Variants in CDH13 observed in about 807,000 individuals in gnomAD.
The protein encoded by CDH13 is cadherin-13.
In CDH13, 24 loss-of-function variants were observed where a neutral mutation model predicts 63.8. The observed-to-expected ratio is 0.38, with a 90% CI of 0.27 to 0.53. CDH13 has a LOEUF of 0.53. Ranked by LOEUF, CDH13 falls within the 20% of genes least tolerant of loss-of-function variation. The pLI is 0.85. For missense variants in CDH13, 1,049 were observed against 903.1 expected (o/e 1.16, Z -2.07); for synonymous variants, 503 against 355.3 (o/e 1.42, Z -4.67).
chr16:83,759,889 C>G (rs527364305), intron 11 of CDH13, among the ~76,000 whole-genome samples: 10 of 138,192 alleles, frequency 7.2e-5, no homozygotes, highest in African/African-American at 2.5e-4. Context: ...GATCACACCA[C>G]TGCACTCCAG....
At chr16:83,334,495 C>T (rs975643333) in intron 5 of CDH13, among the ~76,000 whole-genome samples, 4 of 151,678 alleles carry the variant, frequency 2.6e-5, no homozygotes, top group African/African-American at 7.3e-5. Flanking sequence ...CCTCACCCTC[C>T]TGAGTAGCTG....
chr16:82,905,441 G>A (rs2041612199), intron 2 of CDH13, among the ~76,000 whole-genome samples: 2 of 139,898 alleles, frequency 1.4e-5, no homozygotes, highest in African/African-American at 6.0e-5. Flanking sequence ...ACGTGTGTGT[G>A]TGTGTGTGTG....
chr16:82,715,585 T>C (rs1282555848), intron 1 of CDH13, among the ~76,000 whole-genome samples: 1 of 152,154 alleles, frequency 6.6e-6, no homozygotes, highest in African/African-American at 2.4e-5. Flanking sequence ...AAATTGTTGA[T>C]AGGGTAGCCA....
intron 5 of CDH13, among the ~76,000 whole-genome samples, chr16:83,338,475 C>A (rs1391393978): frequency 6.6e-6 from 1 of 152,210 alleles, no homozygotes; most frequent in Non-Finnish European, 1.5e-5. Flanking sequence ...TGGGTCCAGG[C>A]TTCAGGATTT....
At chr16:82,960,847 G>C (rs773512114) in intron 2 of CDH13, among the ~76,000 whole-genome samples, 3 of 152,086 alleles carry the variant, frequency 2.0e-5, no homozygotes, top group African/African-American at 4.8e-5. Flanking sequence ...ATACAAATAA[G>C]TCTATTGTGA....
At chr16:83,507,732 T>G (rs552953835) in intron 7 of CDH13, among the ~76,000 whole-genome samples, 5 of 152,220 alleles carry the variant, frequency 3.3e-5, no homozygotes, top group Admixed American at 3.3e-4. Flanking sequence ...AAAAATGTTT[T>G]GCTTAGTAAA....
At chr16:83,384,015 T>G (rs940266545) in intron 6 of CDH13, among the ~76,000 whole-genome samples, 1 of 152,184 alleles carries the variant, frequency 6.6e-6, no homozygotes, top group Non-Finnish European at 1.5e-5. Flanking sequence ...TATATACACA[T>G]GGGTACATCT....
At chr16:83,162,465 A>G (rs1427564800) in intron 4 of CDH13, among the ~76,000 whole-genome samples, 3 of 152,184 alleles carry the variant, frequency 2.0e-5, no homozygotes, top group Admixed American at 2.0e-4. Flanking sequence ...ATACGTAGCA[A>G]GTAAATGATA....
At chr16:82,751,303 C>A (rs1008665580) in intron 1 of CDH13, among the ~76,000 whole-genome samples, 2 of 152,132 alleles carry the variant, frequency 1.3e-5, no homozygotes, top group African/African-American at 2.4e-5. Flanking sequence ...CCCTGAAATT[C>A]TTAATAGATT....
intron 6 of CDH13, among the ~76,000 whole-genome samples, chr16:83,371,774 G>C (rs1010314229): frequency 6.6e-6 from 1 of 152,190 alleles, no homozygotes; most frequent in South Asian, 2.1e-4. Flanking sequence ...ACTCAGAGTG[G>C]ATAGTACCCC....
intron 7 of CDH13, among the ~76,000 whole-genome samples, chr16:83,549,493 A>G (rs2075450828): frequency 6.6e-6 from 1 of 152,132 alleles, no homozygotes; most frequent in Non-Finnish European, 1.5e-5. Flanking sequence ...GCAGGCTGCC[A>G]TATGCTTCAC....
chr16:83,191,492 C>CATAT (rs200931128), intron 4 of CDH13, among the ~76,000 whole-genome samples: 4 of 92,694 alleles, frequency 4.3e-5, no homozygotes, highest in South Asian at 3.7e-4. Flanking sequence ...TATATATGCA[C>CATAT]ATATATATAT....
chr16:82,663,430 A>G (rs926474881), intron 1 of CDH13, among the ~76,000 whole-genome samples: 1 of 151,920 alleles, frequency 6.6e-6, no homozygotes, highest in Non-Finnish European at 1.5e-5. Flanking sequence ...GATAATCCAC[A>G]CGCCTCGGCC....
chr16:83,195,020 T>C (rs538884538), intron 4 of CDH13, among the ~76,000 whole-genome samples: 3 of 152,346 alleles, frequency 2.0e-5, no homozygotes, highest in Admixed American at 1.3e-4. Context: ...GAAATAACCA[T>C]AAAACATTCT....
rs778478141 is a variant in CDH13 at position 82,858,389 on chromosome 16, T to A, written c.73T>A (p.Leu25Met). ...GCTGCTGCTAACATCTGCAGAAGAT[T>A]TGGACTGCACTCCTGGATTTCAGCA... The part of the protein sequence containing the change: ...QVLLLTSAED[L>M]DCTPGFQQKV... The change falls in exon 2 of 14, where the codon TTG (leucine) becomes ATG (methionine). Residue 25 changes from leucine to methionine, a missense_variant. Physicochemically the swap from Leu to Met is conservative, Grantham distance 15. Transcript: ENST00000567109. 1.2e-6 allele frequency: 2 copies of A among 1,613,474 alleles called. No individual in the cohort carries two copies. The highest frequency in any genetic ancestry group is 2.2e-5 in the South Asian group (2 of 91,058).
chr16:82,895,265 C>G (rs553413027), intron 2 of CDH13, among the ~76,000 whole-genome samples: 31 of 152,214 alleles, frequency 2.0e-4, no homozygotes, highest in African/African-American at 7.2e-4. Flanking sequence ...AAAAATTTAC[C>G]TTTTTTGATA....
chr16:82,877,702 G>T (rs957979557), intron 2 of CDH13, among the ~76,000 whole-genome samples: 1 of 151,956 alleles, frequency 6.6e-6, no homozygotes, highest in African/African-American at 2.4e-5. Context: ...CAGAAAGCAT[G>T]CAAAAATACC....
intron 1 of CDH13, among the ~76,000 whole-genome samples, chr16:82,811,731 T>C (rs115016192): frequency 9.5e-4 from 145 of 152,182 alleles, no homozygotes; most frequent in African/African-American, 3.2e-3. Flanking sequence ...GAAAGGTGTA[T>C]ATGGAATTGG....
At chr16:82,948,415 C>T (rs1460313158) in intron 2 of CDH13, among the ~76,000 whole-genome samples, 1 of 152,188 alleles carries the variant, frequency 6.6e-6, no homozygotes, top group East Asian at 1.9e-4. Context: ...ATAGATTTCT[C>T]TTCTTCCCCC....
Sources: allele counts gnomAD v4.1 joint callset (sites outside exome capture counted in the v4.1 genomes callset), GRCh38; gene constraint gnomAD v4.1.1; transcripts MANE v1.5; gene names NCBI Gene and HGNC (gene_info 2026-07-23, HGNC 2026-07-21).